PPM1E: variants seen among roughly 807,000 people sequenced by gnomAD.
PPM1E encodes the protein protein phosphatase, Mg2+/Mn2+ dependent 1E.
A neutral mutation model predicts 65.9 loss-of-function variants in PPM1E; 20 were observed. The ratio of observed to expected loss-of-function variants is 0.30; its 90% CI spans 0.21 to 0.44. The LOEUF (loss-of-function observed/expected upper bound fraction) is 0.44, where lower values mean the gene tolerates loss of function less well. Ranked by LOEUF, PPM1E falls within the 20% of genes least tolerant of loss-of-function variation. The pLI is 1.00. For missense variants in PPM1E, 713 were observed against 953.1 expected, an observed-to-expected ratio of 0.75 and a Z score of 3.32; for synonymous variants, 352 against 374.9, an observed-to-expected ratio of 0.94 and a Z score of 0.70.
At chr17:58,955,445 T>C (rs965871236) in intron 1 of PPM1E, 1 of 627,256 alleles carries the variant, frequency 1.6e-6, no homozygotes, top group Non-Finnish European at 2.8e-6. Context: ...TGTAGCTCCT[T>C]TAGGTAAGGA....
intron 1 of PPM1E, among the ~76,000 whole-genome samples, chr17:58,781,980 G>GT (rs936445721): frequency 2.6e-5 from 4 of 151,880 alleles, no homozygotes; most frequent in African/African-American, 9.7e-5. Flanking sequence ...TATGTTTTAA[G>GT]TTTTTTTTCC....
intron 1 of PPM1E, among the ~76,000 whole-genome samples, chr17:58,876,285 A>G (rs1009462754): frequency 3.3e-5 from 5 of 152,106 alleles, no homozygotes; most frequent in South Asian, 2.1e-4. Context: ...TACTTTTGTT[A>G]TCCTTAACTT....
intron 1 of PPM1E, among the ~76,000 whole-genome samples, chr17:58,927,600 C>T (rs927808455): frequency 1.3e-5 from 2 of 152,026 alleles, no homozygotes; most frequent in African/African-American, 4.8e-5. Flanking sequence ...GTTACTGTAG[C>T]AGTGTTACCT....
intron 1 of PPM1E, among the ~76,000 whole-genome samples, chr17:58,871,684 C>T (rs942060505): frequency 2.0e-5 from 3 of 151,652 alleles, no homozygotes; most frequent in African/African-American, 7.3e-5. Flanking sequence ...GGTGTGGGGA[C>T]GCACACCTGT....
At chr17:58,870,531 A>G (rs1281489547) in intron 1 of PPM1E, among the ~76,000 whole-genome samples, 1 of 152,074 alleles carries the variant, frequency 6.6e-6, no homozygotes, top group Non-Finnish European at 1.5e-5. Flanking sequence ...TGTTATGTCC[A>G]TGTGTACCGA....
At chr17:58,898,253 C>CA (rs1346932052) in intron 1 of PPM1E, among the ~76,000 whole-genome samples, 3,227 of 65,604 alleles carry the variant, frequency 0.049, 71 homozygotes, top group African/African-American at 0.11. Flanking sequence ...GACTGCGTCT[C>CA]AAAAAAAAAA....
chr17:58,960,728 T>C (rs1420471038), intron 2 of PPM1E, among the ~76,000 whole-genome samples: 2 of 144,568 alleles, frequency 1.4e-5, no homozygotes, highest in Non-Finnish European at 3.0e-5. Context: ...ATCACGCCAC[T>C]GCACTCCAAC....
chr17:58,967,453 G>A (rs1326136806), intron 3 of PPM1E, among the ~76,000 whole-genome samples: 1 of 151,202 alleles, frequency 6.6e-6, no homozygotes. Flanking sequence ...ACGAAAAGTA[G>A]GCTATAAAAT....
intron 1 of PPM1E, among the ~76,000 whole-genome samples, chr17:58,792,415 AC>A (rs1480612980): frequency 6.6e-6 from 1 of 151,894 alleles, no homozygotes; most frequent in Non-Finnish European, 1.5e-5. Context: ...ATCTTGGCTC[AC>A]TGCAATCAAT....
intron 1 of PPM1E, among the ~76,000 whole-genome samples, chr17:58,790,832 T>C (rs2144245700): frequency 1.3e-5 from 2 of 152,212 alleles, no homozygotes; most frequent in Middle Eastern, 6.8e-3. Flanking sequence ...CATTCATGTG[T>C]GAGAAGATCG....
chr17:58,801,907 C>A (rs2050261988), intron 1 of PPM1E, among the ~76,000 whole-genome samples: 1 of 152,100 alleles, frequency 6.6e-6, no homozygotes, highest in Non-Finnish European at 1.5e-5. Context: ...CAGGCACATG[C>A]CACCACCTCC....
chr17:58,895,165 A>G lies in PPM1E; in HGVS notation c.465-60484A>G, dbSNP rs376830763. 3.9e-5 allele frequency among the ~76,000 whole-genome samples: 6 copies of G among 152,322 alleles called. No homozygotes were observed. The East Asian group carries it at 1.2e-3, about 29-fold the overall frequency. ...GGGGGTGGCACCACAAACTGCACCC[A>G]TATAAGACAGCGAACTTAATAAATA... On this transcript the variant is annotated intron_variant, in intron 1 of 6. Transcript: ENST00000308249.
At chr17:58,866,413 C>T (rs2051004254) in intron 1 of PPM1E, among the ~76,000 whole-genome samples, 3 of 152,208 alleles carry the variant, frequency 2.0e-5, no homozygotes, top group South Asian at 2.1e-4. Flanking sequence ...GCTGCAAGGA[C>T]GTTCCCCCAA....
intron 1 of PPM1E, among the ~76,000 whole-genome samples, chr17:58,947,883 A>G (rs1465731000): frequency 6.6e-6 from 1 of 152,116 alleles, no homozygotes; most frequent in Non-Finnish European, 1.5e-5. Flanking sequence ...AATCATCTGA[A>G]GGCTTGTGAA....
At chr17:58,767,893 C>T (rs895749659) in intron 1 of PPM1E, among the ~76,000 whole-genome samples, 3 of 151,956 alleles carry the variant, frequency 2.0e-5, no homozygotes, top group African/African-American at 7.2e-5. Context: ...CCGCCCACCT[C>T]GGCCTCCCAA....
Position 58,933,998 on chromosome 17 carries a change from C to T in PPM1E, c.465-21651C>T, listed in dbSNP as rs553046732. Among the ~76,000 whole-genome samples the T allele has an allele frequency of 4.7e-5, 7 of 148,084 alleles. No individual in the cohort carries two copies. The South Asian group carries it at 8.5e-4, about 18-fold the overall frequency. The stretch of plus-strand genomic sequence containing the variant: ...TAATCCCAGCTACTTCGGAGGCTGA[C>T]GCAGGAGAATCAAGTGCAACCAGAG... On this transcript the variant is annotated intron_variant, in intron 1 of 6. Coordinates refer to ENST00000308249, the MANE Select transcript of PPM1E (RefSeq NM_014906.5).
At chr17:58,967,774 G>T (rs1217237401) in intron 3 of PPM1E, among the ~76,000 whole-genome samples, 1 of 150,820 alleles carries the variant, frequency 6.6e-6, no homozygotes, top group African/African-American at 2.4e-5. Context: ...AGTAGGGATA[G>T]AAATTCTACC....
At chr17:58,845,887 G>T (rs568007420) in intron 1 of PPM1E, among the ~76,000 whole-genome samples, 2 of 152,232 alleles carry the variant, frequency 1.3e-5, no homozygotes, top group East Asian at 1.9e-4. Flanking sequence ...CACCATGTTG[G>T]CCAGCCTGGT....
intron 1 of PPM1E, among the ~76,000 whole-genome samples, chr17:58,873,546 A>G (rs2051094207): frequency 6.7e-6 from 1 of 149,756 alleles, no homozygotes; most frequent in African/African-American, 2.4e-5. Flanking sequence ...CTTGGTTGGA[A>G]TGGAACAAAA....
Sources: allele counts gnomAD v4.1 joint callset (sites outside exome capture counted in the v4.1 genomes callset), GRCh38; gene constraint gnomAD v4.1.1; transcripts MANE v1.5; gene names NCBI Gene and HGNC (gene_info 2026-07-23, HGNC 2026-07-21).